Variants in SOX5 observed in about 807,000 individuals in gnomAD.
SOX5 encodes SRY-box transcription factor 5, also known as transcription factor SOX-5.
In SOX5, 9 loss-of-function variants were observed where a neutral mutation model predicts 92.0. The observed-to-expected ratio is 0.10, with a 90% CI of 0.06 to 0.17. SOX5 has a LOEUF of 0.17. Among genes scored for constraint, SOX5 ranks in the 10% least tolerant of loss-of-function variants. The pLI, the probability that SOX5 is intolerant of heterozygous loss-of-function variation, is 1.00. For synonymous variants in SOX5, 344 were observed against 336.3 expected, an observed-to-expected ratio of 1.02 and a Z score of -0.25; for missense variants, 642 against 944.5, an observed-to-expected ratio of 0.68 and a Z score of 4.20.
chr12:23,871,282 C>T (rs1054106040), intron 2 of SOX5, among the ~76,000 whole-genome samples: 2 of 152,078 alleles, frequency 1.3e-5, no homozygotes, highest in Non-Finnish European at 2.9e-5. Context: ...TTATGTAACA[C>T]ACAAAATGAA....
At chr12:23,620,970 CAAG>C (rs1286226628) in intron 8 of SOX5, among the ~76,000 whole-genome samples, 1 of 151,936 alleles carries the variant, frequency 6.6e-6, no homozygotes, top group African/African-American at 2.4e-5. Flanking sequence ...AACTTTTTCC[CAAG>C]AAGACTTGCA....
intron 3 of SOX5, among the ~76,000 whole-genome samples, chr12:23,838,274 C>T (rs562406181): frequency 5.4e-5 from 8 of 149,162 alleles, no homozygotes; most frequent in Non-Finnish European, 8.9e-5. Flanking sequence ...TTTTATGATA[C>T]AATTTTTGCT....
chr12:24,027,966 G>A (rs964917307), intron 4 of SOX5, among the ~76,000 whole-genome samples: 4 of 151,918 alleles, frequency 2.6e-5, no homozygotes, highest in African/African-American at 4.8e-5. Flanking sequence ...TCCTAACTGC[G>A]TTGATCATTG....
At chr12:23,832,307 TATAA>T (rs2096340231) in intron 3 of SOX5, among the ~76,000 whole-genome samples, 1 of 152,042 alleles carries the variant, frequency 6.6e-6, no homozygotes. Context: ...GGGAAATGTA[TATAA>T]ATAAACTTCA....
intron 11 of SOX5, among the ~76,000 whole-genome samples, chr12:23,556,822 C>A (rs763647214): frequency 2.0e-5 from 3 of 152,190 alleles, no homozygotes; most frequent in Non-Finnish European, 4.4e-5. Flanking sequence ...TTCTCCTTAT[C>A]TAAGGGAAGG....
chr12:23,858,712 T>C (rs897821957), intron 2 of SOX5, among the ~76,000 whole-genome samples: 5 of 152,120 alleles, frequency 3.3e-5, no homozygotes, highest in Admixed American at 1.3e-4. Flanking sequence ...CCCAGAGGAA[T>C]ATAAGGCATT....
chr12:24,066,186 C>A (rs1209442024), intron 4 of SOX5, among the ~76,000 whole-genome samples: 2 of 152,184 alleles, frequency 1.3e-5, no homozygotes, highest in African/African-American at 4.8e-5. Flanking sequence ...ACAATCTCTT[C>A]TCTTAATTAT....
chr12:24,270,512 T>A (rs1294374168), intron 3 of SOX5, among the ~76,000 whole-genome samples: 1 of 152,204 alleles, frequency 6.6e-6, no homozygotes, highest in African/African-American at 2.4e-5. Flanking sequence ...TTTGCTCTAT[T>A]ATTTTAAGAT....
At position 23,847,782 on chromosome 12, in the gene SOX5, G is replaced by A. The variant is rs138363850; in HGVS notation, c.271-1589C>T. The stretch of plus-strand genomic sequence containing the variant: ...ATGCCTCTGACTAGCACTATGCCTT[G>A]AGTGAATATTTTATGGACAAAGTAG... On this transcript the variant is annotated intron_variant, in intron 2 of 14. Coordinates refer to ENST00000451604, the MANE Select transcript of SOX5 (RefSeq NM_006940.6). Among the ~76,000 whole-genome samples, 1,341 of 152,098 alleles carry A rather than the reference G, an allele frequency of 8.8e-3. 10 individuals carry two copies. The highest frequency in any genetic ancestry group is 0.02 in the Middle Eastern group (6 of 294).
chr12:23,973,667 A>G (rs1269063146), intron 4 of SOX5, among the ~76,000 whole-genome samples: 4 of 152,170 alleles, frequency 2.6e-5, no homozygotes, highest in Non-Finnish European at 1.5e-5. Flanking sequence ...CAAATCCTGT[A>G]TACCAGGGGT....
Position 24,012,847 on chromosome 12 carries a change from C to A in SOX5, c.-1-116823G>T, listed in dbSNP as rs565255028. ...TTGAAGACAAGAGACATCACTAGCG[C>A]AATGGAGAACTACCAAACACTTCCT... On this transcript the variant is annotated intron_variant, in intron 4 of 4. Transcript: ENST00000446891. Among the ~76,000 whole-genome samples the A allele has an allele frequency of 2.0e-5, 3 of 152,214 alleles. No homozygotes were observed. The East Asian group carries it at 5.8e-4, about 29-fold the overall frequency.
intron 1 of SOX5, among the ~76,000 whole-genome samples, chr12:24,544,600 A>G (rs1404025314): frequency 6.6e-6 from 1 of 152,180 alleles, no homozygotes; most frequent in Non-Finnish European, 1.5e-5. Context: ...GCTAATGCAA[A>G]CACACACACA....
At chr12:24,124,992 G>C (rs949257150) in intron 4 of SOX5, among the ~76,000 whole-genome samples, 1 of 152,144 alleles carries the variant, frequency 6.6e-6, no homozygotes, top group African/African-American at 2.4e-5. Context: ...GTGAAAGTAA[G>C]ATGGAGCCAT....
chr12:24,330,355 A>G (rs1951165650), intron 2 of SOX5, among the ~76,000 whole-genome samples: 2 of 152,204 alleles, frequency 1.3e-5, no homozygotes, highest in East Asian at 3.8e-4. Flanking sequence ...ATGAAAGGAA[A>G]AAAAGGGGGA....
rs79288101 is a variant in SOX5 at position 24,460,957 on chromosome 12, C to T, written c.-250-92318G>A. On this transcript the variant is annotated intron_variant, in intron 1 of 4. Transcript: ENST00000446891. Reference sequence around the variant, plus strand: ...CTTAGAATTGGTTTGCTCTTGCAGACCATATTTTGTTGGATAAAGCAAATT... The same window carrying T: ...CTTAGAATTGGTTTGCTCTTGCAGATCATATTTTGTTGGATAAAGCAAATT... Among the ~76,000 whole-genome samples, 1,300 of 152,294 alleles carry T rather than the reference C, an allele frequency of 8.5e-3. 16 individuals are homozygous for T. The highest frequency in any genetic ancestry group is 0.03 in the African/African-American group (1,235 of 41,556).
At position 23,935,663 on chromosome 12, in the gene SOX5, C is replaced by T. The variant is rs561359498; in HGVS notation, c.38+13901G>A. Among the ~76,000 whole-genome samples the T allele has an allele frequency of 1.6e-3, 244 of 151,198 alleles. 2 individuals are homozygous for T. Among genetic ancestry groups the T allele is most frequent in the African/African-American group, 5.5e-3 (226 of 41,430 alleles). ...CCTGGATATCCACCATCCAGCATAT[C>T]ACCTTGTGCAATGAATGAGTTAATT... On this transcript the variant is annotated intron_variant, in intron 1 of 14. Coordinates refer to ENST00000451604, the MANE Select transcript of SOX5 (RefSeq NM_006940.6).
intron 3 of SOX5, among the ~76,000 whole-genome samples, chr12:23,772,726 A>T (rs1040507157): frequency 6.6e-6 from 1 of 152,216 alleles, no homozygotes; most frequent in African/African-American, 2.4e-5. Flanking sequence ...ATTAGTATAT[A>T]CCTAATATAC....
intron 1 of SOX5, among the ~76,000 whole-genome samples, chr12:24,390,438 T>C (rs1958878638): frequency 6.6e-6 from 1 of 152,176 alleles, no homozygotes; most frequent in Non-Finnish European, 1.5e-5. Flanking sequence ...ACATGTATAA[T>C]GTTTTTATAG....
chr12:24,516,054 T>C (rs1949752370), intron 1 of SOX5, among the ~76,000 whole-genome samples: 1 of 151,324 alleles, frequency 6.6e-6, no homozygotes, highest in Non-Finnish European at 1.5e-5. Flanking sequence ...TTTTTTTTTT[T>C]TTTTAAGCGA....
Sources: gnomAD v4.1 joint callset for allele counts (sites outside exome capture counted in the v4.1 genomes callset) on GRCh38, gnomAD v4.1.1 for gene constraint, MANE v1.5 for transcripts, NCBI Gene and HGNC (gene_info 2026-07-23, HGNC 2026-07-21) for gene names.